CPZ: variants seen among roughly 807,000 people sequenced by gnomAD.
The protein encoded by CPZ is carboxypeptidase Z, also known as VEZT/CPZ fusion.
A neutral mutation model predicts 61.8 loss-of-function variants in CPZ; 103 were observed. The ratio of observed to expected loss-of-function variants is 1.67; its 90% confidence interval spans 1.42 to 1.96. The LOEUF (loss-of-function observed/expected upper bound fraction) is 1.96, where lower values mean the gene tolerates loss of function less well. CPZ is among the 30% of genes most tolerant of loss of function. The pLI, the probability that CPZ is intolerant of heterozygous loss-of-function variation, is 0.00. For synonymous variants in CPZ, 551 were observed against 373.7 expected (o/e 1.47, Z -5.47); for missense variants, 1,461 against 914.9 (o/e 1.60, Z -7.70).
chr4:8,616,063 C>T (rs1716132671), intron 9 of CPZ, among the ~76,000 whole-genome samples: 1 of 152,168 alleles, frequency 6.6e-6, no homozygotes, highest in Non-Finnish European at 1.5e-5. Context: ...GCTGGCATTG[C>T]TCCTGGATAT....
At position 8,611,311 on chromosome 4, in the gene CPZ, G is replaced by C. The variant is rs375090993; in HGVS notation, c.1228-716G>C. 38 of 455,750 alleles carry C rather than the reference G, an allele frequency of 8.3e-5. No individual in the cohort carries two copies. In the East Asian group the frequency reaches 1.3e-3, roughly 16 times the overall value. 28.2% of individuals were successfully genotyped at this position (455,750 alleles called of 1,614,324 possible). A position where few individuals can be genotyped will look rare whatever the true frequency, so the allele number is the denominator to read the frequency against. On this transcript the variant is annotated intron_variant, in intron 7 of 10. Coordinates refer to ENST00000360986, the MANE Select transcript of CPZ (RefSeq NM_001014447.3). ...CAGACGGCCCAGAGCCCCCACAAAG[G>C]AGGATCTGTGGACTCTGCCTGGGGG...
At chr4:8,611,378 C>T (rs1404662111) in intron 7 of CPZ, 3 of 432,240 alleles carry the variant, frequency 6.9e-6, no homozygotes, top group African/African-American at 6.0e-5. Context: ...GAAGGGAAGC[C>T]TGTGGGGAGG....
intron 1 of CPZ, among the ~76,000 whole-genome samples, chr4:8,594,697 C>T (rs1029278216): frequency 1.1e-4 from 17 of 152,174 alleles, no homozygotes; most frequent in Admixed American, 6.5e-4. Context: ...AAGCCATCCA[C>T]GCACAGAATT....
At chr4:8,607,176 T>A (rs948364712) in intron 6 of CPZ, 91 bp from the exon 7 acceptor site, 19 of 1,441,932 alleles carry the variant, frequency 1.3e-5, no homozygotes, top group Non-Finnish European at 1.7e-5. Context: ...GTCTGCACCA[T>A]TGGAGCCCAG....
At chr4:8,600,576 A>G (rs554352153) in intron 2 of CPZ, among the ~76,000 whole-genome samples, 8 of 152,320 alleles carry the variant, frequency 5.3e-5, no homozygotes, top group African/African-American at 1.9e-4. Context: ...CCCAGCAACA[A>G]TGAGGACCCT....
At chr4:8,610,230 C>G (rs1301762985) in intron 7 of CPZ, among the ~76,000 whole-genome samples, 1 of 152,234 alleles carries the variant, frequency 6.6e-6, no homozygotes, top group Non-Finnish European at 1.5e-5. Context: ...TTATCTGTGT[C>G]TCTTCCTTGC....
intron 7 of CPZ, among the ~76,000 whole-genome samples, chr4:8,607,703 G>A (rs1487445053): frequency 6.6e-6 from 1 of 152,180 alleles, no homozygotes; most frequent in Non-Finnish European, 1.5e-5. Context: ...TGGGGACCCT[G>A]CCTCAGCGCT....
chr4:8,616,743 C>A (rs1271360359), intron 9 of CPZ, among the ~76,000 whole-genome samples: 1 of 152,180 alleles, frequency 6.6e-6, no homozygotes, highest in African/African-American at 2.4e-5. Context: ...TTCTCTTCAT[C>A]ACCTCTCATG....
intron 7 of CPZ, among the ~76,000 whole-genome samples, chr4:8,609,140 T>TCAGG (rs1302242757): frequency 0.058 from 2,686 of 46,702 alleles, 47 homozygotes; most frequent in Non-Finnish European, 0.076. Flanking sequence ...ACTCATTTAC[T>TCAGG]CATTCACCCA....
chr4:8,606,120 A>T lies in CPZ; in HGVS notation c.841A>T (p.Asn281Tyr), dbSNP rs760780373. Residue 281 changes from asparagine (N) to tyrosine (Y), a missense_variant, in exon 5 of 11, where the codon AAC becomes TAC. Transcript: ENST00000360986. ...TAACCCCCGCATCCAGCGCCTGCTC[A>T]ACACCACCCGCATCCACCTGCTGCC... ...LGNPRIQRLL[N>Y]TTRIHLLPSM... 7 of 1,614,106 alleles carry T rather than the reference A, an allele frequency of 4.3e-6. No homozygotes were observed. In the East Asian group the frequency reaches 1.6e-4, roughly 36 times the overall value.
intron 8 of CPZ, among the ~76,000 whole-genome samples, chr4:8,612,375 G>A (rs182016811): frequency 2.6e-5 from 4 of 152,074 alleles, no homozygotes; most frequent in African/African-American, 4.8e-5. Context: ...GAGGACCCAG[G>A]CCCGTGGCTC....
intron 7 of CPZ, among the ~76,000 whole-genome samples, chr4:8,610,184 T>C (rs1238289473): frequency 1.3e-5 from 2 of 152,200 alleles, no homozygotes; most frequent in Admixed American, 6.5e-5. Context: ...TGGGTCCCCA[T>C]TCAGTCCCAG....
intron 4 of CPZ, among the ~76,000 whole-genome samples, chr4:8,605,388 CCATT>C (rs1052313576): frequency 4.2e-5 from 6 of 143,208 alleles, no homozygotes; most frequent in Non-Finnish European, 6.1e-5. Context: ...CATCATCCAC[CCATT>C]CATTCATACA....
chr4:8,612,463 G>A (rs73213394), intron 8 of CPZ, among the ~76,000 whole-genome samples: 1,998 of 152,326 alleles, frequency 0.013, 16 homozygotes, highest in Non-Finnish European at 0.023. Flanking sequence ...GGGAAGTGGA[G>A]TTGCCAGATG....
Position 8,604,198 on chromosome 4 carries a change from C to A in CPZ, c.709+10C>A. The A allele has an allele frequency of 6.5e-7, 1 of 1,529,244 alleles. No homozygotes were observed. 94.7% of individuals were successfully genotyped at this position (1,529,244 alleles called of 1,614,324 possible). A position where few individuals can be genotyped will look rare whatever the true frequency, so the allele number is the denominator to read the frequency against. On this transcript the variant is annotated intron_variant, in intron 4 of 10. Coordinates refer to ENST00000360986, the MANE Select transcript of CPZ (RefSeq NM_001014447.3). ...GGCCAGCACGAGCTGAGTGAGTGCC[C>A]TTGGGAGAGCCTGGCCTGGCCCCGT... is the stretch of plus-strand genomic sequence containing the variant.
chr4:8,609,220 T>TCCC (rs1297809310), intron 7 of CPZ, among the ~76,000 whole-genome samples: 856 of 47,488 alleles, frequency 0.018, 5 homozygotes, highest in East Asian at 0.079. Flanking sequence ...ACTCATTCAC[T>TCCC]TACTCACTCA....
At position 8,619,650 on chromosome 4, in the gene CPZ, CCG is replaced by C; in HGVS notation, c.*34_*35del. 6.9e-7 allele frequency: 1 copy of C among 1,447,618 alleles called. No individual in the cohort carries two copies. The highest frequency in any genetic ancestry group is 9.1e-7 in the Non-Finnish European group (1 of 1,095,376). 89.7% of individuals were successfully genotyped at this position (1,447,618 alleles called of 1,614,324 possible). A position where few individuals can be genotyped will look rare whatever the true frequency, so the allele number is the denominator to read the frequency against. On this transcript the variant is annotated 3_prime_UTR_variant, in exon 11 of 11. Coordinates refer to ENST00000360986, the MANE Select transcript of CPZ (RefSeq NM_001014447.3). ...CCCAGCACCCGCCAGGATGTGGAGA[CCG>C]AGGCCCATCTCCGCATCCCGGGCTC...
chr4:8,599,936 C>T (rs1018710432), intron 2 of CPZ: 17 of 180,494 alleles, frequency 9.4e-5, no homozygotes, highest in African/African-American at 3.6e-4. Flanking sequence ...TCAAAAGTGA[C>T]GTGGGAGCCA....
intron 9 of CPZ, among the ~76,000 whole-genome samples, chr4:8,617,184 G>A (rs1193327632): frequency 1.3e-5 from 2 of 152,188 alleles, no homozygotes; most frequent in East Asian, 1.9e-4. Flanking sequence ...GGGGTCAGCC[G>A]CGGTGGGATT....
Sources: allele counts gnomAD v4.1 joint callset (sites outside exome capture counted in the v4.1 genomes callset), GRCh38; gene constraint gnomAD v4.1.1; transcripts MANE v1.5; gene names NCBI Gene and HGNC (gene_info 2026-07-23, HGNC 2026-07-21).